The following TBC1D20 variants were observed in gnomAD, a reference collection of about 807,000 sequenced individuals.
TBC1D20 encodes the protein chromosome 20 open reading frame 140.
TBC1D20 carries 12 observed loss-of-function variants against 41.6 expected under a neutral mutation model. That is an observed-to-expected ratio of 0.29 (90% confidence interval 0.18 to 0.47). The LOEUF (loss-of-function observed/expected upper bound fraction) is 0.47. Ranked by LOEUF, TBC1D20 falls within the 20% of genes least tolerant of loss-of-function variation. TBC1D20 has a pLI of 1.00. For missense variants in TBC1D20, 421 were observed against 517.4 expected (o/e 0.81, Z 1.81); for synonymous variants, 205 against 204.8 (o/e 1.00, Z -0.01).
intron 3 of TBC1D20, among the ~76,000 whole-genome samples, chr20:442,352 G>A (rs771061750): frequency 6.6e-6 from 1 of 152,232 alleles, no homozygotes; most frequent in Admixed American, 6.5e-5. Flanking sequence ...CCGAGGTGAT[G>A]CACTGACAGA....
chr20:460,126 C>A (rs1232880159), intron 1 of TBC1D20, among the ~76,000 whole-genome samples: 2 of 151,968 alleles, frequency 1.3e-5, no homozygotes, highest in African/African-American at 4.8e-5. Flanking sequence ...TTGGTTTAAG[C>A]CTGCATTATC....
chr20:459,289 C>T (rs1173348513), intron 1 of TBC1D20, among the ~76,000 whole-genome samples: 1 of 152,202 alleles, frequency 6.6e-6, no homozygotes, highest in African/African-American at 2.4e-5. Context: ...AGATTTAGAG[C>T]AGGACACACA....
At position 444,494 on chromosome 20, in the gene TBC1D20, C is replaced by T. The variant is rs553199460; in HGVS notation, c.337+556G>A. On this transcript the variant is annotated intron_variant, in intron 3 of 7. Transcript: ENST00000354200. ...CCCTTCACTGTGAAAATTGAGACAA[C>T]GGTCCTTCTTTTCTTTCTTCCTGAA... 1.1e-4 allele frequency among the ~76,000 whole-genome samples: 17 copies of T among 152,302 alleles called. No homozygotes were observed. In the East Asian group the frequency reaches 1.2e-3, roughly 10 times the overall value.
chr20:448,660 G>A (rs1277670461), intron 1 of TBC1D20, among the ~76,000 whole-genome samples: 1 of 146,378 alleles, frequency 6.8e-6, no homozygotes, highest in Non-Finnish European at 1.5e-5. Flanking sequence ...CTGCACTCCA[G>A]CCAGGATGAC....
At chr20:445,006 G>C in intron 3 of TBC1D20, 44 bp downstream of exon 3, 2 of 1,545,740 alleles carry the variant, frequency 1.3e-6, no homozygotes, top group Non-Finnish European at 1.8e-6. Flanking sequence ...ACCTGGAACA[G>C]ATACAGTCTT....
At position 453,974 on chromosome 20, in the gene TBC1D20, C is replaced by T. The variant is rs769880877; in HGVS notation, c.71-5900G>A. On this transcript the variant is annotated intron_variant, in intron 1 of 7. Transcript: ENST00000354200. Reference sequence around the variant, plus strand: ...ACAATAATTAGGCCAGGTGCGGTGGCTCACGCCTGCAATTCCAGCAGTTTG... The same window carrying T: ...ACAATAATTAGGCCAGGTGCGGTGGTTCACGCCTGCAATTCCAGCAGTTTG... Among the ~76,000 whole-genome samples, 12 of 148,608 alleles carry T rather than the reference C, an allele frequency of 8.1e-5. 1 individual carries two copies. Among genetic ancestry groups the T allele is most frequent in the Admixed American group, 2.0e-4 (3 of 15,056 alleles).
In TBC1D20 at chr20:448,055, T is replaced by C; in HGVS notation, c.90A>G (p.Lys30=). 1 of 1,613,018 alleles carries C rather than the reference T, an allele frequency of 6.2e-7. No individual in the cohort carries two copies. The highest frequency in any genetic ancestry group is 8.5e-7 in the Non-Finnish European group (1 of 1,179,072). ...CCTGGTGTATCTCTGCCACTTTCTT[T>C]TTCCTTTTGGCGTTAAAGTCTGAAG... ...AEKADFNAKR[K]KKVAEIHQAL... is the part of the protein sequence containing the mutation. The change falls in exon 2 of 8, where the codon AAA becomes AAG. Residue 30 remains lysine, a synonymous_variant. Transcript: ENST00000354200.
In TBC1D20 at chr20:438,481, A is replaced by T; in HGVS notation, c.*105T>A. 1 of 1,383,444 alleles carries T rather than the reference A, an allele frequency of 7.2e-7. No individual in the cohort carries two copies. The highest frequency in any genetic ancestry group is 2.1e-5 in the Admixed American group (1 of 47,164). 85.7% of individuals were successfully genotyped at this position (1,383,444 alleles called of 1,614,324 possible). A position where few individuals can be genotyped will look rare whatever the true frequency, so the allele number is the denominator to read the frequency against. On this transcript the variant is annotated 3_prime_UTR_variant, in exon 8 of 8. Transcript: ENST00000354200. ...CAGGGCAGGGTGGCAGGAATAAAAA[A>T]CTCTGGACAGAAACCCTTTTAATAA... is the stretch of plus-strand genomic sequence containing the variant.
At chr20:450,674 G>C (rs977452603) in intron 1 of TBC1D20, 2 of 152,206 alleles carry the variant, frequency 1.3e-5, no homozygotes, top group East Asian at 3.8e-4. Flanking sequence ...ACTGGTCCCT[G>C]AGTGGTGCTA....
intron 2 of TBC1D20, among the ~76,000 whole-genome samples, chr20:445,954 TG>T (rs1367182500): frequency 5.3e-5 from 8 of 152,254 alleles, no homozygotes; most frequent in Non-Finnish European, 7.3e-5. Context: ...AAAAGCTGAC[TG>T]CTCTGAAGCA....
chr20:455,380 G>A (rs974839057), intron 1 of TBC1D20, among the ~76,000 whole-genome samples: 4 of 152,174 alleles, frequency 2.6e-5, no homozygotes, highest in Non-Finnish European at 4.4e-5. Context: ...TACTTTGGGA[G>A]GCCAAGGTGG....
intron 1 of TBC1D20, among the ~76,000 whole-genome samples, chr20:451,362 T>C (rs1186053073): frequency 1.3e-5 from 2 of 152,100 alleles, no homozygotes; most frequent in Non-Finnish European, 2.9e-5. Context: ...CTGGCCAACA[T>C]GGTGAAACCC....
chr20:462,459 A>T lies in TBC1D20; in HGVS notation c.-54T>A. The T allele has an allele frequency of 9.3e-7, 1 of 1,076,164 alleles. No homozygotes were observed. The highest frequency in any genetic ancestry group is 1.2e-6 in the Non-Finnish European group (1 of 851,904). 66.7% of individuals were successfully genotyped at this position (1,076,164 alleles called of 1,614,324 possible). A position where few individuals can be genotyped will look rare whatever the true frequency, so the allele number is the denominator to read the frequency against. ...CCCCGGCTGGTGGCGGAGCCGGGAG[A>T]AGACGCGGCTCCGACCGCGGGACGT... On this transcript the variant is annotated 5_prime_UTR_variant, in exon 1 of 8. Coordinates refer to ENST00000354200, the MANE Select transcript of TBC1D20 (RefSeq NM_144628.4).
At chr20:448,130 G>T in intron 1 of TBC1D20, 56 bp from the exon 2 acceptor site, 1 of 1,310,522 alleles carries the variant, frequency 7.6e-7, no homozygotes, top group Non-Finnish European at 1.1e-6. Flanking sequence ...CATATTTTCT[G>T]CCTAGGACTC....
Position 438,532 on chromosome 20 carries a change from T to G in TBC1D20, c.*54A>C. ...AGGAAATTCCACCCCTCCCAATCCT[T>G]CCATGGAAGGGTGAGACCTTAATGT... On this transcript the variant is annotated 3_prime_UTR_variant, in exon 8 of 8. Transcript: ENST00000354200. The G allele has an allele frequency of 6.3e-7, 1 of 1,584,512 alleles. No homozygotes were observed. Among genetic ancestry groups the G allele is most frequent in the Non-Finnish European group, 8.6e-7 (1 of 1,160,080 alleles).
intron 3 of TBC1D20, among the ~76,000 whole-genome samples, chr20:444,260 A>G (rs2017290416): frequency 6.6e-6 from 1 of 152,200 alleles, no homozygotes; most frequent in South Asian, 2.1e-4. Context: ...CTACCTGGGT[A>G]TTGCAAGAAT....
chr20:440,774 T>C, intron 5 of TBC1D20: 1 of 168,730 alleles, frequency 5.9e-6, no homozygotes, highest in Non-Finnish European at 1.3e-5. Flanking sequence ...ATTTTTCTGT[T>C]AACATGAGAC....
At position 441,902 on chromosome 20, in the gene TBC1D20, C is replaced by T. The variant is rs760143626; in HGVS notation, c.479G>A (p.Arg160Lys). 10 of 1,613,980 alleles carry T rather than the reference C, an allele frequency of 6.2e-6. No individual in the cohort carries two copies. The highest frequency in any genetic ancestry group is 2.2e-5 in the East Asian group (1 of 44,898). Residue 160 changes from arginine to lysine, a missense_variant, in exon 4 of 8, where the codon AGG becomes AAG. Coordinates refer to ENST00000354200, the MANE Select transcript of TBC1D20 (RefSeq NM_144628.4). ...VVTFLLVVGE[R>K]LATSLVEKLS... The stretch of plus-strand genomic sequence containing the variant: ...TTTTTCTACCAGGGATGTTGCCAGC[C>T]TCTCGCCTACCACCAGCAGAAATGT...
intron 1 of TBC1D20, among the ~76,000 whole-genome samples, chr20:459,746 G>A (rs541613062): frequency 7.9e-5 from 12 of 152,266 alleles, no homozygotes; most frequent in Admixed American, 1.3e-4. Context: ...TGTAGTCAGG[G>A]AGGGAGATCA....
Sources: gnomAD v4.1 joint callset for allele counts (sites outside exome capture counted in the v4.1 genomes callset) on GRCh38, gnomAD v4.1.1 for gene constraint, MANE v1.5 for transcripts, NCBI Gene and HGNC (gene_info 2026-07-23, HGNC 2026-07-21) for gene names.